The following EHBP1 variants were observed in gnomAD, a reference collection of about 807,000 sequenced individuals.
EHBP1 encodes the protein EH domain-binding protein 1.
Under a neutral mutation model 144.0 loss-of-function variants are expected in EHBP1, and 55 were observed. The ratio of observed to expected loss-of-function variants is 0.38; its 90% CI spans 0.31 to 0.48. The LOEUF is 0.48. Ranked by LOEUF, EHBP1 falls within the 20% of genes least tolerant of loss-of-function variation. The probability of loss-of-function intolerance (pLI) is 0.98; values close to 1 mark genes in which losing one functional copy is unlikely to be tolerated. For missense variants in EHBP1, 1,200 were observed against 1,364.2 expected (o/e 0.88, Z 1.90); for synonymous variants, 469 against 472.7 (o/e 0.99, Z 0.10).
intron 10 of EHBP1, among the ~76,000 whole-genome samples, chr2:62,920,061 A>G (rs182855541): frequency 4.6e-4 from 70 of 152,288 alleles, no homozygotes; most frequent in Admixed American, 2.4e-3. Flanking sequence ...AGGGAGAGAT[A>G]ATATTTGAAG....
At chr2:62,754,417 C>T (rs558096560) in intron 3 of EHBP1, among the ~76,000 whole-genome samples, 23 of 152,304 alleles carry the variant, frequency 1.5e-4, no homozygotes, top group Admixed American at 6.5e-4. Context: ...GGGGTGCCTC[C>T]CAGTTAGGCT....
intron 10 of EHBP1, among the ~76,000 whole-genome samples, chr2:62,940,627 G>T (rs576361548): frequency 3.9e-4 from 60 of 152,180 alleles, no homozygotes; most frequent in African/African-American, 1.3e-3. Context: ...AAAATATTAG[G>T]TAAAAGGTCA....
chr2:62,718,308 T>C (rs2151905178), intron 2 of EHBP1, among the ~76,000 whole-genome samples: 1 of 152,362 alleles, frequency 6.6e-6, no homozygotes, highest in South Asian at 2.1e-4. Context: ...GAACTAACTA[T>C]ATGTGCTATT....
chr2:62,939,840 T>C (rs1302848834), intron 10 of EHBP1: 2 of 167,030 alleles, frequency 1.2e-5, no homozygotes, highest in Non-Finnish European at 2.6e-5. Flanking sequence ...GAGGAAGATA[T>C]GGTTTCAGGC....
At chr2:62,748,365 T>C (rs2039351814) in intron 3 of EHBP1, among the ~76,000 whole-genome samples, 1 of 152,098 alleles carries the variant, frequency 6.6e-6, no homozygotes, top group Non-Finnish European at 1.5e-5. Flanking sequence ...TTTAAAAAAT[T>C]CTATCCTGGC....
chr2:62,889,221 G>A (rs2052223868), intron 10 of EHBP1, among the ~76,000 whole-genome samples: 2 of 150,634 alleles, frequency 1.3e-5, no homozygotes, highest in Admixed American at 1.3e-4. Context: ...CTTTTTAATG[G>A]GGTTGTTTGG....
chr2:62,941,811 C>T (rs902927184), intron 10 of EHBP1, among the ~76,000 whole-genome samples: 6 of 151,942 alleles, frequency 3.9e-5, no homozygotes, highest in Non-Finnish European at 2.9e-5. Context: ...ATTTAAAGTC[C>T]GGAAACATTT....
chr2:62,742,079 G>C (rs997476151), intron 2 of EHBP1, among the ~76,000 whole-genome samples: 1 of 152,066 alleles, frequency 6.6e-6, no homozygotes, highest in Non-Finnish European at 1.5e-5. Context: ...GTAACATGCT[G>C]TACAGGTTTC....
At chr2:63,011,916 G>A (rs1244663727) in intron 19 of EHBP1, among the ~76,000 whole-genome samples, 1 of 151,954 alleles carries the variant, frequency 6.6e-6, no homozygotes, top group East Asian at 1.9e-4. Flanking sequence ...AAAGTGAGCA[G>A]TAGAACAACT....
Position 62,832,661 on chromosome 2 carries a change from A to C in EHBP1, c.634+1503A>C, listed in dbSNP as rs1004373169. Among the ~76,000 whole-genome samples, 3 of 152,150 alleles carry C rather than the reference A, an allele frequency of 2.0e-5. No homozygotes were observed. The East Asian group carries it at 5.8e-4, about 29-fold the overall frequency. On this transcript the variant is annotated intron_variant, in intron 7 of 22. Coordinates refer to ENST00000431489, the MANE Select transcript of EHBP1 (RefSeq NM_001142616.3). ...ATGACCAATGATCTTTGATGTTACTATTGTAATTATTTTGAGGTGCCATGA... is the reference window on the plus strand; with the variant it reads ...ATGACCAATGATCTTTGATGTTACTCTTGTAATTATTTTGAGGTGCCATGA...
At chr2:62,763,337 C>T (rs2040912771) in intron 3 of EHBP1, among the ~76,000 whole-genome samples, 1 of 151,994 alleles carries the variant, frequency 6.6e-6, no homozygotes, top group South Asian at 2.1e-4. Flanking sequence ...GATTGTTTTT[C>T]ACTCCTCCAG....
Position 62,948,816 on chromosome 2 carries a change from C to G in EHBP1, c.1970C>G (p.Ala657Gly). 1 of 1,614,094 alleles carries G rather than the reference C, an allele frequency of 6.2e-7. No homozygotes were observed. The highest frequency in any genetic ancestry group is 1.1e-5 in the South Asian group (1 of 91,080). ...TTAGGCAAAAAGAGACTATTGAAAGCTGAGACTTTAGAATTGAGTGACTTA... is the reference window on the plus strand; with the variant it reads ...TTAGGCAAAAAGAGACTATTGAAAGGTGAGACTTTAGAATTGAGTGACTTA... ...VLLGKKRLLK[A>G]ETLELSDLYV... is the part of the protein sequence containing the mutation. The change falls in exon 13 of 23, where the codon GCT becomes GGT. Residue 657 changes from alanine to glycine, a missense_variant. Transcript: ENST00000431489.
rs2059332855 is a variant in EHBP1 at position 62,989,536 on chromosome 2, T to C, written c.2609-1180T>C. 2.0e-5 allele frequency among the ~76,000 whole-genome samples: 3 copies of C among 152,274 alleles called. No individual in the cohort carries two copies. In the South Asian group the frequency reaches 6.2e-4, roughly 32 times the overall value. On this transcript the variant is annotated intron_variant, in intron 15 of 22. Transcript: ENST00000431489. Reference sequence around the variant, plus strand: ...TTTTAATCCTAACAGGCTTGACTCTTGTCATTTTTAAAAACTCTCCTCCTA... The same window carrying C: ...TTTTAATCCTAACAGGCTTGACTCTCGTCATTTTTAAAAACTCTCCTCCTA...
chr2:62,995,431 T>C (rs1181003659), intron 18 of EHBP1, among the ~76,000 whole-genome samples: 2 of 152,098 alleles, frequency 1.3e-5, no homozygotes, highest in African/African-American at 4.8e-5. Flanking sequence ...GTTACACATA[T>C]AGTTAGACAT....
At chr2:62,831,356 A>G (rs1022398613) in intron 7 of EHBP1, among the ~76,000 whole-genome samples, 198 bp downstream of exon 7, 2 of 152,174 alleles carry the variant, frequency 1.3e-5, no homozygotes, top group African/African-American at 4.8e-5. Flanking sequence ...GTTTGAGATC[A>G]AGTACAAGGA....
intron 3 of EHBP1, among the ~76,000 whole-genome samples, chr2:62,753,100 T>C (rs543979052): frequency 1.4e-4 from 21 of 152,336 alleles, no homozygotes; most frequent in African/African-American, 4.6e-4. Context: ...CTAGCATCGA[T>C]GGTCTTTACA....
intron 1 of EHBP1, among the ~76,000 whole-genome samples, chr2:62,678,098 A>G (rs1261110266): frequency 5.3e-5 from 8 of 152,198 alleles, no homozygotes; most frequent in Non-Finnish European, 1.2e-4. Flanking sequence ...TGTTCCCACC[A>G]ACAGCGTACC....
At chr2:62,697,865 A>C (rs2034155283) in intron 1 of EHBP1, among the ~76,000 whole-genome samples, 1 of 152,234 alleles carries the variant, frequency 6.6e-6, no homozygotes. Flanking sequence ...AGAATGAACT[A>C]TTGGCAAAAC....
intron 2 of EHBP1, among the ~76,000 whole-genome samples, chr2:62,732,852 C>G (rs1299919223): frequency 6.6e-6 from 1 of 152,126 alleles, no homozygotes; most frequent in Non-Finnish European, 1.5e-5. Context: ...TCTATTTCCA[C>G]TTCAGTTTTG....
Sources: gnomAD v4.1 joint callset for allele counts (sites outside exome capture counted in the v4.1 genomes callset) on GRCh38, gnomAD v4.1.1 for gene constraint, MANE v1.5 for transcripts, NCBI Gene and HGNC (gene_info 2026-07-23, HGNC 2026-07-21) for gene names.